DIP2C: variants seen among roughly 807,000 people sequenced by gnomAD.
DIP2C encodes DIP2 acetate--CoA ligase C (putative).
In DIP2C, 33 loss-of-function variants were observed where a neutral mutation model predicts 192.4. That is an observed-to-expected ratio of 0.17 (90% confidence interval 0.13 to 0.23). The LOEUF is 0.23. DIP2C is among the 10% of genes least tolerant of loss of function. The pLI, the probability that DIP2C is intolerant of heterozygous loss-of-function variation, is 1.00. For missense variants in DIP2C, 1,537 were observed against 2,110.1 expected (o/e 0.73, Z 5.32); for synonymous variants, 979 against 864.1 (o/e 1.13, Z -2.33).
At chr10:408,249 A>G (rs1589724181) in intron 9 of DIP2C, among the ~76,000 whole-genome samples, 1 of 152,174 alleles carries the variant, frequency 6.6e-6, no homozygotes, top group Non-Finnish European at 1.5e-5. Context: ...TCACTTATCC[A>G]TATACATGAG....
chr10:634,626 C>A (rs1037432477), intron 1 of DIP2C, among the ~76,000 whole-genome samples: 4 of 151,990 alleles, frequency 2.6e-5, no homozygotes, highest in Non-Finnish European at 4.4e-5. Context: ...TTGGTGAGCA[C>A]CTATAATCTC....
chr10:668,610 AACAC>A (rs1413673947), intron 1 of DIP2C: 1 of 152,296 alleles, frequency 6.6e-6, no homozygotes, highest in Non-Finnish European at 1.5e-5. Context: ...ATGCACATAC[AACAC>A]ACATACAACC....
intron 3 of DIP2C, among the ~76,000 whole-genome samples, chr10:444,618 G>C (rs1445905105): frequency 6.6e-6 from 1 of 152,040 alleles, no homozygotes; most frequent in Non-Finnish European, 1.5e-5. Flanking sequence ...GTTCATTCAT[G>C]AGGAGTGTTC....
intron 3 of DIP2C, among the ~76,000 whole-genome samples, chr10:455,137 G>T (rs904237987): frequency 6.6e-6 from 1 of 152,224 alleles, no homozygotes; most frequent in African/African-American, 2.4e-5. Flanking sequence ...GCAGGAAGAC[G>T]TAGGTTCGGG....
At chr10:416,225 C>A (rs1273342472) in intron 6 of DIP2C, among the ~76,000 whole-genome samples, 2 of 152,152 alleles carry the variant, frequency 1.3e-5, no homozygotes, top group Non-Finnish European at 2.9e-5. Context: ...TCCTCATTCC[C>A]ACTGCCCCAG....
intron 1 of DIP2C, among the ~76,000 whole-genome samples, chr10:531,381 A>G (rs1307784833): frequency 6.6e-6 from 1 of 152,080 alleles, no homozygotes. Flanking sequence ...GTGTGCTTAC[A>G]GTTCCCCCGA....
chr10:480,409 C>T (rs141517972), intron 2 of DIP2C, among the ~76,000 whole-genome samples: 64 of 151,738 alleles, frequency 4.2e-4, no homozygotes, highest in East Asian at 1.4e-3. Context: ...GCCTGAGCCC[C>T]AGTCCACGCT....
At chr10:455,669 C>T (rs542182632) in intron 3 of DIP2C, among the ~76,000 whole-genome samples, 3 of 55,206 alleles carry the variant, frequency 5.4e-5, no homozygotes, top group Non-Finnish European at 7.4e-5. Context: ...GAGGGGAGAC[C>T]GTGAGGAATA....
At position 662,149 on chromosome 10, in the gene DIP2C, A is replaced by G. The variant is rs1446081568; in HGVS notation, c.85+27345T>C. On this transcript the variant is annotated intron_variant, in intron 1 of 36. Transcript: ENST00000280886. ...GACTTCCACATTCTGACCCCAATCT[A>G]ACTTTCTGCCCTCAGATAGGCACAT... 6 of 716,930 alleles carry G rather than the reference A, an allele frequency of 8.4e-6. No individual in the cohort carries two copies. In the African/African-American group the frequency reaches 8.7e-5, roughly 10 times the overall value. 44.4% of individuals were successfully genotyped at this position (716,930 alleles called of 1,614,324 possible). A position where few individuals can be genotyped will look rare whatever the true frequency, so the allele number is the denominator to read the frequency against.
chr10:637,217 T>G (rs915695850), intron 1 of DIP2C, among the ~76,000 whole-genome samples: 1 of 151,422 alleles, frequency 6.6e-6, no homozygotes, highest in Admixed American at 6.6e-5. Context: ...CAACACACCA[T>G]AGGCTGGGCG....
intron 1 of DIP2C, among the ~76,000 whole-genome samples, chr10:564,755 C>G (rs1010876668): frequency 6.6e-6 from 1 of 152,186 alleles, no homozygotes; most frequent in Non-Finnish European, 1.5e-5. Context: ...CAGAACTCAG[C>G]CTACTCGGCC....
At chr10:507,776 A>G (rs1845721989) in intron 1 of DIP2C, among the ~76,000 whole-genome samples, 1 of 152,158 alleles carries the variant, frequency 6.6e-6, no homozygotes, top group African/African-American at 2.4e-5. Flanking sequence ...CCCAGTGCCC[A>G]TGTCCCACCC....
chr10:379,503 G>A (rs927645103), intron 17 of DIP2C, among the ~76,000 whole-genome samples: 1 of 152,096 alleles, frequency 6.6e-6, no homozygotes. Context: ...GGACCTTGAC[G>A]CCTGGAAGAC....
chr10:547,437 C>G (rs1848341977), intron 1 of DIP2C, among the ~76,000 whole-genome samples: 2 of 152,100 alleles, frequency 1.3e-5, no homozygotes, highest in African/African-American at 2.4e-5. Flanking sequence ...GCTCACATCA[C>G]TGAGAAGGAA....
At chr10:504,860 C>T (rs1845479798) in intron 1 of DIP2C, among the ~76,000 whole-genome samples, 1 of 152,224 alleles carries the variant, frequency 6.6e-6, no homozygotes, top group Admixed American at 6.5e-5. Context: ...AAACCCTCAG[C>T]TCCAGCGGTG....
At position 456,041 on chromosome 10, in the gene DIP2C, G is replaced by A. The variant is rs531447266; in HGVS notation, c.269-15045C>T. Among the ~76,000 whole-genome samples the A allele has an allele frequency of 1.6e-4, 9 of 56,652 alleles. 1 individual carries two copies. Among genetic ancestry groups the A allele is most frequent in the South Asian group, 7.7e-4 (1 of 1,304 alleles). 37.2% of individuals were successfully genotyped at this position (56,652 alleles called of 152,430 possible). ...GGAATAAATGAGATGAAAACACTCTGCAGTGAGTCCCTGCCTGAGGGGAGA... is the reference window on the plus strand; with the variant it reads ...GGAATAAATGAGATGAAAACACTCTACAGTGAGTCCCTGCCTGAGGGGAGA... On this transcript the variant is annotated intron_variant, in intron 3 of 36. Transcript: ENST00000280886.
Position 593,494 on chromosome 10 carries a change from C to G in DIP2C, c.85+96000G>C, listed in dbSNP as rs1053573603. 9.1e-4 allele frequency among the ~76,000 whole-genome samples: 115 copies of G among 125,902 alleles called. 6 individuals are homozygous for G. Among genetic ancestry groups the G allele is most frequent in the African/African-American group, 2.8e-3 (97 of 34,620 alleles). The allele number at this position is 125,902 out of a possible 152,430, so 82.6% of individuals were successfully genotyped here. On this transcript the variant is annotated intron_variant, in intron 1 of 36. Transcript: ENST00000280886. The stretch of plus-strand genomic sequence containing the variant: ...GCTCTGCCCACGCGGGACCCCCCCC[C>G]CCCCACCCTTTCTGGAGAAATCAGC...
chr10:600,297 G>A (rs1851972914), intron 1 of DIP2C, among the ~76,000 whole-genome samples: 1 of 152,172 alleles, frequency 6.6e-6, no homozygotes, highest in Admixed American at 6.5e-5. Context: ...AGGGCAGATG[G>A]TGACACAGCC....
chr10:586,942 G>A (rs1336284071), intron 1 of DIP2C, among the ~76,000 whole-genome samples: 1 of 151,788 alleles, frequency 6.6e-6, no homozygotes, highest in Non-Finnish European at 1.5e-5. Context: ...ATGGGGAGGG[G>A]CAAACAGTGC....
Sources: allele counts gnomAD v4.1 joint callset (sites outside exome capture counted in the v4.1 genomes callset), GRCh38; gene constraint gnomAD v4.1.1; transcripts MANE v1.5; gene names NCBI Gene and HGNC (gene_info 2026-07-23, HGNC 2026-07-21).